The following ANK2 variants were observed in gnomAD, a reference collection of about 807,000 sequenced individuals.
The protein encoded by ANK2 is ankyrin 2, also known as ankyrin-2.
A neutral mutation model predicts 360.5 loss-of-function variants in ANK2; 83 were observed. The ratio of observed to expected loss-of-function variants is 0.23; its 90% CI spans 0.19 to 0.28. The LOEUF is 0.28. ANK2 is among the 10% of genes least tolerant of loss of function. The pLI, the probability that ANK2 is intolerant of heterozygous loss-of-function variation, is 1.00. For synonymous variants in ANK2, 1,740 were observed against 1,759.5 expected (o/e 0.99, Z 0.28); for missense variants, 4,201 against 4,795.7 (o/e 0.88, Z 3.66).
chr4:113,237,176 C>T lies in ANK2; in HGVS notation c.669+4C>T, dbSNP rs1230411143. 6.2e-7 allele frequency: 1 copy of T among 1,612,964 alleles called. No homozygotes were observed. Among genetic ancestry groups the T allele is most frequent in the Non-Finnish European group, 8.5e-7 (1 of 1,179,248 alleles). Reference sequence around the variant, plus strand: ...CAATGCTGACGTACAATCCAAGGTACTTAAAGCTGAACACATTTGTGGAAA... The same window carrying T: ...CAATGCTGACGTACAATCCAAGGTATTTAAAGCTGAACACATTTGTGGAAA... On this transcript the variant is annotated splice_donor_region_variant and intron_variant, in intron 6 of 45. Transcript: ENST00000357077.
chr4:112,940,852 G>T (rs577872207), intron 2 of ANK2, among the ~76,000 whole-genome samples: 2 of 152,038 alleles, frequency 1.3e-5, no homozygotes, highest in Non-Finnish European at 2.9e-5. Flanking sequence ...AAGCACAGCC[G>T]AACAGGGATT....
At position 113,373,278 on chromosome 4, in the gene ANK2, A is replaced by AT. The variant is rs748133808; in HGVS notation, c.11695-4dup. On this transcript the variant is annotated splice_polypyrimidine_tract_variant and splice_region_variant and intron_variant, in intron 44 of 45. Coordinates refer to ENST00000357077, the MANE Select transcript of ANK2 (RefSeq NM_001148.6). ...AAAATAAGATACACAAATGAAATAC[A>AT]TTTCAGGTTACTAGGAAAATCATTA... 7 of 1,614,038 alleles carry AT rather than the reference A, an allele frequency of 4.3e-6. No homozygotes were observed. The highest frequency in any genetic ancestry group is 5.9e-6 in the Non-Finnish European group (7 of 1,180,000).
intron 2 of ANK2, among the ~76,000 whole-genome samples, chr4:113,021,959 C>T (rs1238237562): frequency 6.6e-6 from 1 of 152,134 alleles, no homozygotes; most frequent in Non-Finnish European, 1.5e-5. Context: ...CTTCATCGTC[C>T]ATTTCCCTCT....
chr4:112,984,455 T>G (rs2044183209), intron 2 of ANK2, among the ~76,000 whole-genome samples: 1 of 152,068 alleles, frequency 6.6e-6, no homozygotes, highest in South Asian at 2.1e-4. Flanking sequence ...AACCATCAGA[T>G]CTCATGAGAC....
rs567825537 is a variant in ANK2 at position 113,355,250 on chromosome 4, C to T, written c.6632C>T (p.Ala2211Val). 42 of 1,613,948 alleles carry T rather than the reference C, an allele frequency of 2.6e-5. No individual in the cohort carries two copies. The highest frequency in any genetic ancestry group is 3.5e-5 in the Non-Finnish European group (41 of 1,179,966). Residue 2211 changes from alanine to valine, a missense_variant, in exon 38 of 46, where the codon GCC becomes GTC. Coordinates refer to ENST00000357077, the MANE Select transcript of ANK2 (RefSeq NM_001148.6). Reference protein sequence around the residue: ...SSESLKNEGVAGSPCGSLMEG... With the variant: ...SSESLKNEGVVGSPCGSLMEG... ...GAAAGCCTAAAGAATGAGGGGGTAG[C>T]CGGCTCTCCGTGTGGCAGCCTGATG...
intron 24 of ANK2, among the ~76,000 whole-genome samples, chr4:113,316,742 T>C (rs2153834492): frequency 6.6e-6 from 1 of 152,356 alleles, no homozygotes; most frequent in South Asian, 2.1e-4. Context: ...ATTTTACAAA[T>C]TGATTTAAAA....
intron 2 of ANK2, among the ~76,000 whole-genome samples, chr4:112,909,679 G>T (rs2086430959): frequency 6.6e-6 from 1 of 152,128 alleles, no homozygotes; most frequent in Non-Finnish European, 1.5e-5. Context: ...GAAAAGAACT[G>T]AATTTTGGGG....
chr4:113,251,639 C>T lies in ANK2; in HGVS notation c.990+1777C>T, dbSNP rs576279266. ...CTGGAACTACAGGCGCCCACCACCA[C>T]GCCCAGCTAATTTTTTGTATTTTTA... On this transcript the variant is annotated intron_variant, in intron 10 of 45. Transcript: ENST00000357077. Among the ~76,000 whole-genome samples the T allele has an allele frequency of 2.2e-3, 341 of 151,844 alleles. 1 individual carries two copies. Among genetic ancestry groups the T allele is most frequent in the African/African-American group, 7.4e-3 (307 of 41,408 alleles).
At chr4:113,372,492 T>TAC in intron 43 of ANK2, 1 of 1,279,744 alleles carries the variant, frequency 7.8e-7, no homozygotes, top group Non-Finnish European at 1.1e-6. Flanking sequence ...AAGTCATTCC[T>TAC]TAGCATGTTA....
intron 1 of ANK2, chr4:112,826,415 C>T: frequency 1.9e-6 from 2 of 1,031,566 alleles, no homozygotes; most frequent in African/African-American, 3.2e-5. Context: ...TAACACTTTC[C>T]CTACCAGCAG....
chr4:112,911,560 A>G (rs1462054474), intron 2 of ANK2, among the ~76,000 whole-genome samples: 1 of 152,000 alleles, frequency 6.6e-6, no homozygotes, highest in East Asian at 2.0e-4. Flanking sequence ...TGGGCTCAAG[A>G]GATCCTCCCA....
intron 24 of ANK2, 134 bp downstream of exon 24, chr4:113,311,533 T>C: frequency 1.7e-6 from 2 of 1,209,872 alleles, no homozygotes; most frequent in Non-Finnish European, 1.2e-6. Flanking sequence ...TAGCATGTTA[T>C]GTTTTTCCAT....
At chr4:112,872,518 A>T (rs2073534563) in intron 1 of ANK2, among the ~76,000 whole-genome samples, 1 of 151,858 alleles carries the variant, frequency 6.6e-6, no homozygotes, top group Admixed American at 6.6e-5. Flanking sequence ...TGTATTTTTA[A>T]TAGAGACGAG....
rs2093767039 is a variant in ANK2, at chr4:113,337,966, A to AAC, written c.3796+1188_3796+1189dup. On this transcript the variant is annotated intron_variant, in intron 31 of 45. Transcript: ENST00000357077. ...ATTAAATAAACACTCTAGGGGCCTA[A>AAC]ACACCATCTACTCTATTTATTCCAG... Among the ~76,000 whole-genome samples, 3 of 152,210 alleles carry AAC rather than the reference A, an allele frequency of 2.0e-5. No homozygotes were observed. The South Asian group carries it at 6.2e-4, about 32-fold the overall frequency.
At chr4:112,710,101 T>C in the ANK2 span, among the ~76,000 whole-genome samples, 1 of 152,148 alleles carries the variant, frequency 6.6e-6, no homozygotes, top group African/African-American at 2.4e-5. Flanking sequence ...GTGAAGGAGA[T>C]ATTATTCCCA....
chr4:112,916,844 A>T (rs2090003342), intron 2 of ANK2, among the ~76,000 whole-genome samples: 1 of 152,244 alleles, frequency 6.6e-6, no homozygotes, highest in Non-Finnish European at 1.5e-5. Context: ...TGATCAAATT[A>T]TATATCTCAT....
chr4:113,273,762 C>G (rs1434398240), intron 14 of ANK2, among the ~76,000 whole-genome samples: 1 of 152,204 alleles, frequency 6.6e-6, no homozygotes, highest in Non-Finnish European at 1.5e-5. Context: ...TGGAACATGT[C>G]CTTCCTGTCC....
intron 13 of ANK2, among the ~76,000 whole-genome samples, chr4:113,259,261 T>G (rs29420): frequency 0.04 from 6,153 of 152,262 alleles, 157 homozygotes; most frequent in East Asian, 0.068. Flanking sequence ...TTCAAGAAGG[T>G]CTAGTAGAGT....
intron 4 of ANK2, among the ~76,000 whole-genome samples, chr4:113,223,258 T>C (rs1020071708): frequency 2.0e-5 from 3 of 152,206 alleles, no homozygotes; most frequent in African/African-American, 7.2e-5. Flanking sequence ...GTGAACATCC[T>C]CCTAGCATGT....
Sources: allele counts gnomAD v4.1 joint callset (sites outside exome capture counted in the v4.1 genomes callset), GRCh38; gene constraint gnomAD v4.1.1; transcripts MANE v1.5; gene names NCBI Gene and HGNC (gene_info 2026-07-23, HGNC 2026-07-21).